TMEFF2: variants seen among roughly 807,000 people sequenced by gnomAD.
TMEFF2 encodes tomoregulin-2.
In TMEFF2, 28 loss-of-function variants were observed where a neutral mutation model predicts 53.8. The ratio of observed to expected loss-of-function variants is 0.52; its 90% CI spans 0.39 to 0.71. The LOEUF is 0.71. Among genes scored for constraint, TMEFF2 ranks in the 30% least tolerant of loss-of-function variants. TMEFF2 has a pLI of 0.00. For synonymous variants in TMEFF2, 162 were observed against 166.3 expected (o/e 0.97, Z 0.20); for missense variants, 353 against 455.2 (o/e 0.78, Z 2.04).
intron 4 of TMEFF2, among the ~76,000 whole-genome samples, chr2:192,156,643 A>G (rs1420429108): frequency 6.6e-6 from 1 of 152,088 alleles, no homozygotes; most frequent in African/African-American, 2.4e-5. Flanking sequence ...AATTTTACAT[A>G]TGCCAGAAAT....
chr2:191,970,239 A>T (rs764268503), intron 7 of TMEFF2, among the ~76,000 whole-genome samples: 1 of 152,090 alleles, frequency 6.6e-6, no homozygotes, highest in Non-Finnish European at 1.5e-5. Flanking sequence ...TATCAGCAAA[A>T]TATTATATCT....
chr2:192,073,405 G>A (rs1304793934), intron 4 of TMEFF2, among the ~76,000 whole-genome samples: 2 of 151,748 alleles, frequency 1.3e-5, no homozygotes, highest in African/African-American at 4.8e-5. Context: ...ATCAGTTTTA[G>A]TGCAGCTGGG....
rs533708834 is a variant in TMEFF2 at position 192,132,664 on chromosome 2, G to A, written c.439+47004C>T. On this transcript the variant is annotated intron_variant, in intron 4 of 9. Transcript: ENST00000272771. ...AACGCCTGAACTGCAGCGGCCAGGC[G>A]TTCCTCCAGGCCCGCTTCCCCCAGG... Among the ~76,000 whole-genome samples the A allele has an allele frequency of 1.7e-3, 265 of 152,180 alleles. 2 individuals carry two copies. The highest frequency in any genetic ancestry group is 5.7e-3 in the African/African-American group (237 of 41,534).
At chr2:192,151,259 C>A (rs1291597618) in intron 4 of TMEFF2, among the ~76,000 whole-genome samples, 2 of 151,808 alleles carry the variant, frequency 1.3e-5, no homozygotes, top group African/African-American at 4.8e-5. Flanking sequence ...TCAAGTATGT[C>A]TTTATAGCAG....
chr2:191,964,404 C>A (rs1422218690), intron 7 of TMEFF2, among the ~76,000 whole-genome samples: 1 of 74,508 alleles, frequency 1.3e-5, no homozygotes, highest in Non-Finnish European at 2.5e-5. Flanking sequence ...CTTTCTCTTT[C>A]TTTCTTTCTT....
chr2:192,168,667 T>C (rs1303778197), intron 4 of TMEFF2, among the ~76,000 whole-genome samples: 1 of 152,098 alleles, frequency 6.6e-6, no homozygotes, highest in Non-Finnish European at 1.5e-5. Flanking sequence ...TGTTGCTGGT[T>C]TTCAGTCATC....
In TMEFF2 at chr2:192,011,578, G is replaced by T. The variant is rs140712800; in HGVS notation, c.537-12370C>A. Reference sequence around the variant, plus strand: ...AATGTAGACTTTTCTTTCAATAATAGTAAGTGGATGCTACAGGAATATAAT... The same window carrying T: ...AATGTAGACTTTTCTTTCAATAATATTAAGTGGATGCTACAGGAATATAAT... On this transcript the variant is annotated intron_variant, in intron 5 of 9. Transcript: ENST00000272771. Among the ~76,000 whole-genome samples the T allele has an allele frequency of 5.3e-3, 804 of 152,334 alleles. 1 individual carries two copies. The highest frequency in any genetic ancestry group is 9.2e-3 in the Non-Finnish European group (629 of 68,034).
chr2:191,991,731 T>C (rs1488214908), intron 7 of TMEFF2, among the ~76,000 whole-genome samples: 1 of 151,976 alleles, frequency 6.6e-6, no homozygotes, highest in East Asian at 1.9e-4. Context: ...GCATTTCAAA[T>C]AGGAAAAAGT....
chr2:192,068,277 G>A (rs1185872658), intron 4 of TMEFF2, among the ~76,000 whole-genome samples: 1 of 151,892 alleles, frequency 6.6e-6, no homozygotes, highest in Non-Finnish European at 1.5e-5. Context: ...CTTATTCCAA[G>A]TAAGATGGTT....
At chr2:192,154,098 C>G (rs1690451462) in intron 4 of TMEFF2, among the ~76,000 whole-genome samples, 1 of 151,858 alleles carries the variant, frequency 6.6e-6, no homozygotes, top group South Asian at 2.1e-4. Context: ...TATCTTTGTG[C>G]TTCCAGTGGT....
At chr2:192,018,329 G>T (rs919500902) in intron 5 of TMEFF2, among the ~76,000 whole-genome samples, 4 of 152,126 alleles carry the variant, frequency 2.6e-5, no homozygotes, top group Admixed American at 6.6e-5. Context: ...GGGCTTCAAC[G>T]TTTCCTCTTT....
chr2:192,120,537 C>T (rs1689525130), intron 4 of TMEFF2, among the ~76,000 whole-genome samples: 1 of 152,150 alleles, frequency 6.6e-6, no homozygotes, highest in Non-Finnish European at 1.5e-5. Flanking sequence ...CTTGTTCTTC[C>T]CCTCTCTGAA....
At chr2:192,192,043 A>C (rs1191695360) in intron 1 of TMEFF2, 54 bp from the exon 2 acceptor site, 15 of 1,222,952 alleles carry the variant, frequency 1.2e-5, no homozygotes, top group Non-Finnish European at 1.7e-5. Context: ...GATTTTTAAC[A>C]AAAAAAAGCA....
intron 4 of TMEFF2, among the ~76,000 whole-genome samples, chr2:192,132,087 C>A (rs921046631): frequency 6.6e-6 from 1 of 152,086 alleles, no homozygotes; most frequent in African/African-American, 2.4e-5. Flanking sequence ...TTCTACAGAC[C>A]CATCTGACCT....
At chr2:191,973,255 C>T (rs989753479) in intron 7 of TMEFF2, among the ~76,000 whole-genome samples, 30 of 151,976 alleles carry the variant, frequency 2.0e-4, no homozygotes, top group African/African-American at 7.0e-4. Context: ...CATTATATAA[C>T]GTAGGTTTTC....
chr2:192,025,273 A>G (rs1431328736), intron 5 of TMEFF2, among the ~76,000 whole-genome samples: 1 of 152,056 alleles, frequency 6.6e-6, no homozygotes, highest in Non-Finnish European at 1.5e-5. Context: ...TGAATTATTG[A>G]TCGGGGATGA....
At chr2:192,154,663 G>A (rs954316706) in intron 4 of TMEFF2, among the ~76,000 whole-genome samples, 1 of 151,874 alleles carries the variant, frequency 6.6e-6, no homozygotes, top group Non-Finnish European at 1.5e-5. Context: ...AATGCTTATA[G>A]CAGGTACGTT....
intron 4 of TMEFF2, among the ~76,000 whole-genome samples, chr2:192,172,784 G>A (rs921165252): frequency 6.6e-6 from 1 of 151,788 alleles, no homozygotes; most frequent in Admixed American, 6.6e-5. Context: ...GAATGTCATC[G>A]GACTGCTGGT....
Position 191,953,754 on chromosome 2 carries a change from T to G in TMEFF2, c.953A>C (p.Gln318Pro), listed in dbSNP as rs1287961222. 1 of 1,614,058 alleles carries G rather than the reference T, an allele frequency of 6.2e-7. No homozygotes were observed. Among genetic ancestry groups the G allele is most frequent in the East Asian group, 2.2e-5 (1 of 44,906 alleles). The change falls in exon 9 of 10, where the codon CAG becomes CCG. Residue 318 changes from glutamine to proline, a missense_variant. This residue lies in a region of TMEFF2 where 294 missense variants were observed against 397.3 expected (regional missense o/e 0.74). Coordinates refer to ENST00000272771, the MANE Select transcript of TMEFF2 (RefSeq NM_016192.4). ...AATCACAGCTGCGATTAAGACATAC[T>G]GAAATCGTACAGGACCGGGAACAAC... The part of the protein sequence containing the change: ...LYVVPGPVRF[Q>P]YVLIAAVIGT...
Sources: allele counts gnomAD v4.1 joint callset (sites outside exome capture counted in the v4.1 genomes callset), GRCh38; gene constraint gnomAD v4.1.1; regional missense constraint gnomAD v4.1.1; transcripts MANE v1.5; gene names NCBI Gene and HGNC (gene_info 2026-07-23, HGNC 2026-07-21).